TNRC18: variants seen among roughly 807,000 people sequenced by gnomAD.
TNRC18 encodes trinucleotide repeat containing 18, also known as trinucleotide repeat-containing gene 18 protein.
Under a neutral mutation model 226.7 loss-of-function variants are expected in TNRC18, and 69 were observed. The observed-to-expected ratio is 0.30, with a 90% CI of 0.25 to 0.37. TNRC18 has a LOEUF of 0.37. Among genes scored for constraint, TNRC18 ranks in the 10% least tolerant of loss-of-function variants. The pLI is 1.00. For missense variants in TNRC18, 4,754 were observed against 4,256.6 expected, an observed-to-expected ratio of 1.12 and a Z score of -3.25; for synonymous variants, 2,449 against 1,927.6, an observed-to-expected ratio of 1.27 and a Z score of -7.09.
chr7:5,338,615 A>AT (rs1790352245), intron 18 of TNRC18, among the ~76,000 whole-genome samples: 1 of 143,462 alleles, frequency 7.0e-6, no homozygotes, highest in Non-Finnish European at 1.5e-5. Flanking sequence ...AACGCTGCAC[A>AT]TTAAAAAAAA....
intron 2 of TNRC18, 97 bp downstream of exon 2, chr7:5,420,963 G>C: frequency 4.8e-6 from 7 of 1,460,704 alleles, no homozygotes; most frequent in Non-Finnish European, 6.6e-6. Context: ...GACCGAAGGA[G>C]AGTCGCCGAG....
At chr7:5,350,093 G>C (rs1791627668) in intron 17 of TNRC18, among the ~76,000 whole-genome samples, 1 of 152,136 alleles carries the variant, frequency 6.6e-6, no homozygotes, top group Non-Finnish European at 1.5e-5. Context: ...CGGCTTTAAG[G>C]GGGCGTGGGG....
At chr7:5,405,130 A>T (rs1475923255) in intron 2 of TNRC18, among the ~76,000 whole-genome samples, 4 of 151,326 alleles carry the variant, frequency 2.6e-5, no homozygotes, top group Admixed American at 1.3e-4. Context: ...AAAAAAAAAG[A>T]AGTATACAGA....
chr7:5,394,518 G>A lies in TNRC18; in HGVS notation c.265C>T (p.Pro89Ser). The change falls in exon 3 of 30, where the codon CCC (proline) becomes TCC (serine). Residue 89 changes from proline to serine, a missense_variant. By Grantham distance (74) the Pro-to-Ser change is moderately conservative. Coordinates refer to ENST00000430969, the MANE Select transcript of TNRC18 (RefSeq NM_001080495.3). This position sits in a 1 kb window ranked among gnomAD's most constrained non-coding sequence, Gnocchi z 4.5. ...ASSHGSPVPLPSDLSFRSPTP... is the reference protein window; with the variant it reads ...ASSHGSPVPLSSDLSFRSPTP... ...GGGGAGCGGAAAGACAGGTCAGAGG[G>A]CAGTGGCACTGGGCTCCCATGGGAC... 1.3e-6 allele frequency: 2 copies of A among 1,555,766 alleles called. No individual in the cohort carries two copies. Among genetic ancestry groups the A allele is most frequent in the Non-Finnish European group, 1.7e-6 (2 of 1,151,870 alleles).
At position 5,387,854 on chromosome 7, in the gene TNRC18, C is replaced by T. The variant is rs1354840496; in HGVS notation, c.1970G>A (p.Arg657Lys). Residue 657 changes from arginine (R) to lysine (K), a missense_variant, in exon 5 of 30, where the codon AGG becomes AAG. Transcript: ENST00000430969. ...CCCGAAAGCTTTGGCGCTCTCGGGCCTCTCGGGGTCCCGCTTCAGCTGCCG... is the reference window on the plus strand; with the variant it reads ...CCCGAAAGCTTTGGCGCTCTCGGGCTTCTCGGGGTCCCGCTTCAGCTGCCG... ...GGRQLKRDPE[R>K]PESAKAFGRE... 20 of 1,600,892 alleles carry T rather than the reference C, an allele frequency of 1.2e-5. No homozygotes were observed. Among genetic ancestry groups the T allele is most frequent in the Non-Finnish European group, 1.7e-5 (20 of 1,176,806 alleles).
intron 2 of TNRC18, among the ~76,000 whole-genome samples, chr7:5,410,664 G>A (rs1005281621): frequency 1.4e-4 from 21 of 152,002 alleles, no homozygotes; most frequent in African/African-American, 4.1e-4. Flanking sequence ...CCAGAAGTTC[G>A]AAACCAGCCT....
intron 18 of TNRC18, among the ~76,000 whole-genome samples, chr7:5,338,617 TAAA>T (rs573809852): frequency 2.1e-4 from 14 of 68,158 alleles, no homozygotes; most frequent in Admixed American, 6.9e-4. Flanking sequence ...CGCTGCACAT[TAAA>T]AAAAAAAAAA....
chr7:5,320,501 GCCTCCCGAGGC>G lies in TNRC18; in HGVS notation c.6636+20_6636+30del. 6.4e-7 allele frequency: 1 copy of G among 1,557,500 alleles called. No homozygotes were observed. Among genetic ancestry groups the G allele is most frequent in the South Asian group, 1.2e-5 (1 of 86,478 alleles). ...GCCTTGGACACCCAGCCCACCCCGA[GCCTCCCGAGGC>G]CCCGCCCCTCCCCCCTCACCGCCTC... On this transcript the variant is annotated intron_variant, in intron 23 of 29. Coordinates refer to ENST00000430969, the MANE Select transcript of TNRC18 (RefSeq NM_001080495.3).
rs775315382 is a variant in TNRC18, at chr7:5,309,084, G to A, written c.8625+48C>T. ...CCCAGAACGCCTCGCCCTCAGGTCT[G>A]CCCTACACCGCCTAGGACTGGGGGC... On this transcript the variant is annotated intron_variant, in intron 28 of 29. Coordinates refer to ENST00000430969, the MANE Select transcript of TNRC18 (RefSeq NM_001080495.3). The surrounding 1 kb of genome is among the most constrained non-coding windows in gnomAD (Gnocchi z 5.7). 1.9e-6 allele frequency: 3 copies of A among 1,539,714 alleles called. No homozygotes were observed. Among genetic ancestry groups the A allele is most frequent in the Non-Finnish European group, 8.8e-7 (1 of 1,134,450 alleles).
chr7:5,408,979 G>A (rs1352772469), intron 2 of TNRC18, among the ~76,000 whole-genome samples: 1 of 152,190 alleles, frequency 6.6e-6, no homozygotes, highest in Non-Finnish European at 1.5e-5. Context: ...ACCTTAACAT[G>A]CACACTCAGC....
chr7:5,311,896 T>G (rs184753907), intron 27 of TNRC18, among the ~76,000 whole-genome samples: 162 of 142,718 alleles, frequency 1.1e-3, no homozygotes, highest in African/African-American at 3.9e-3. Flanking sequence ...ACTTTGGGAG[T>G]CCGAGGCAGG....
chr7:5,344,693 G>A (rs1336185384), intron 18 of TNRC18, among the ~76,000 whole-genome samples: 2 of 152,110 alleles, frequency 1.3e-5, no homozygotes, highest in East Asian at 3.9e-4. Context: ...GATGCCGGGG[G>A]GGTCAGAAGG....
rs551473003 is a variant in TNRC18 at position 5,386,202 on chromosome 7, C to T, written c.2152+1470G>A. Among the ~76,000 whole-genome samples, 9 of 151,892 alleles carry T rather than the reference C, an allele frequency of 5.9e-5. No individual in the cohort carries two copies. In the South Asian group the frequency reaches 1.0e-3, roughly 18 times the overall value. ...ACTCGGGAGGCTGAGGCAGGAGAAT[C>T]GCTTGAACCCAGGAGGCAGAGGTTG... On this transcript the variant is annotated intron_variant, in intron 5 of 29. Transcript: ENST00000430969.
chr7:5,325,190 G>A lies in TNRC18; in HGVS notation c.6206C>T (p.Ala2069Val), dbSNP rs1330059262. ...GAGLPPPRAP[A>V]LPSEARAPHA... is the part of the protein sequence containing the mutation. ...AGGAGCCCTGGCCTCAGAGGGCAAGGCAGGAGCTCGGGGCGGCGGCAGCCC... is the reference window on the plus strand; with the variant it reads ...AGGAGCCCTGGCCTCAGAGGGCAAGACAGGAGCTCGGGGCGGCGGCAGCCC... The change falls in exon 20 of 30, where the codon GCC (alanine) becomes GTC (valine). Residue 2069 changes from alanine to valine, a missense_variant. Physicochemically the swap from Ala to Val is moderately conservative, Grantham distance 64. Coordinates refer to ENST00000430969, the MANE Select transcript of TNRC18 (RefSeq NM_001080495.3). 79 of 1,554,072 alleles carry A rather than the reference G, an allele frequency of 5.1e-5. No homozygotes were observed. Among genetic ancestry groups the A allele is most frequent in the Non-Finnish European group, 6.8e-5 (78 of 1,149,742 alleles).
In TNRC18 at chr7:5,397,048, C is replaced by T. The variant is rs528330413; in HGVS notation, c.188-2453G>A. On this transcript the variant is annotated intron_variant, in intron 2 of 29. Transcript: ENST00000430969. The stretch of plus-strand genomic sequence containing the variant: ...TGGGCAGAGCAGCAAGGGGTGCCCT[C>T]GGGCCACACGCCATCACCACCACCC... 2.0e-5 allele frequency among the ~76,000 whole-genome samples: 3 copies of T among 152,286 alleles called. No individual in the cohort carries two copies. The South Asian group carries it at 6.2e-4, about 32-fold the overall frequency.
At chr7:5,329,776 T>C (rs1390045998) in intron 19 of TNRC18, among the ~76,000 whole-genome samples, 1 of 4,126 alleles carries the variant, frequency 2.4e-4, no homozygotes, top group Non-Finnish European at 7.3e-4. Flanking sequence ...ACTGGGGACG[T>C]AGCTTTAGCT....
chr7:5,338,233 T>C (rs1790314259), intron 18 of TNRC18, among the ~76,000 whole-genome samples: 1 of 152,200 alleles, frequency 6.6e-6, no homozygotes, highest in African/African-American at 2.4e-5. Flanking sequence ...TAAAATGGAA[T>C]TCTTAAACAT....
At chr7:5,420,641 C>T in intron 2 of TNRC18, 1 of 463,408 alleles carries the variant, frequency 2.2e-6, no homozygotes, top group South Asian at 1.5e-5. Flanking sequence ...CAGGAGGGCC[C>T]ACGAGCGCCA....
At chr7:5,316,957 C>G (rs10258561) in intron 24 of TNRC18, among the ~76,000 whole-genome samples, 110,702 of 151,838 alleles carry the variant, frequency 0.73, 40,684 homozygotes, top group East Asian at 0.87. Flanking sequence ...GAGCTGGGAG[C>G]TTCACCCTAG....
Sources: gnomAD v4.1 joint callset for allele counts (sites outside exome capture counted in the v4.1 genomes callset) on GRCh38, gnomAD v4.1.1 for gene constraint, Gnocchi (gnomAD v3.1) non-coding constraint, MANE v1.5 for transcripts, NCBI Gene and HGNC (gene_info 2026-07-23, HGNC 2026-07-21) for gene names.